DNAH9: variants seen among roughly 807,000 people sequenced by gnomAD.
DNAH9 encodes the protein DNAH9 variant protein.
Under a neutral mutation model 471.6 loss-of-function variants are expected in DNAH9, and 345 were observed. That is an observed-to-expected ratio of 0.73 (90% confidence interval 0.67 to 0.80). DNAH9 has a LOEUF of 0.80. DNAH9 is among the 30% of genes least tolerant of loss of function. DNAH9 has a pLI of 0.00. For synonymous variants in DNAH9, 2,093 were observed against 2,123.6 expected (o/e 0.99, Z 0.40); for missense variants, 5,407 against 5,609.2 (o/e 0.96, Z 1.15).
intron 62 of DNAH9, among the ~76,000 whole-genome samples, chr17:11,926,035 G>GAAAAAAAAAAAAAAAAAAAAAAA (rs71142253): frequency 2.2e-4 from 13 of 59,916 alleles, no homozygotes; most frequent in African/African-American, 6.3e-4. Context: ...GAGATTCTCT[G>GAAAAAAAAAAAAAAAAAAAAAAA]AAAAAAAAAA....
intron 28 of DNAH9, among the ~76,000 whole-genome samples, chr17:11,732,251 G>A (rs1269062263): frequency 6.6e-6 from 1 of 152,102 alleles, no homozygotes; most frequent in African/African-American, 2.4e-5. Flanking sequence ...GTTTAACTGG[G>A]GGGTCCCTGA....
At chr17:11,668,448 C>G (rs189334249) in intron 15 of DNAH9, among the ~76,000 whole-genome samples, 1 of 152,032 alleles carries the variant, frequency 6.6e-6, no homozygotes, top group South Asian at 2.1e-4. Flanking sequence ...GGGCGAATCA[C>G]GAGGTCAGGA....
At chr17:11,912,724 G>T (rs1335692174) in intron 61 of DNAH9, among the ~76,000 whole-genome samples, 1 of 152,012 alleles carries the variant, frequency 6.6e-6, no homozygotes, top group African/African-American at 2.4e-5. Context: ...ACATTTTGTT[G>T]AGAATATTTA....
chr17:11,650,845 T>C (rs904390792), intron 12 of DNAH9, among the ~76,000 whole-genome samples: 2 of 152,200 alleles, frequency 1.3e-5, no homozygotes, highest in Non-Finnish European at 2.9e-5. Context: ...CTCTTCTTTA[T>C]GATGTATAGA....
intron 65 of DNAH9, among the ~76,000 whole-genome samples, chr17:11,934,435 ATT>A (rs547023975): frequency 1.7e-3 from 149 of 85,986 alleles, no homozygotes; most frequent in African/African-American, 6.4e-3. Context: ...TGACAAACCC[ATT>A]TTTTTTTTTT....
In DNAH9 at chr17:11,768,539, C is replaced by CT. The variant is rs752205229; in HGVS notation, c.7258dup (p.Tyr2420LeufsTer23). On this transcript the variant is annotated frameshift_variant, in exon 37 of 69. Coordinates refer to ENST00000262442, the MANE Select transcript of DNAH9 (RefSeq NM_001372.4). LOFTEE classifies it high-confidence loss of function. ...TTCCTTCCCAAGGAACCATCTTTGA[C>CT]TATTACATCGACCCAGAGACCAAGA... The CT allele has an allele frequency of 1.9e-6, 3 of 1,614,068 alleles. No homozygotes were observed. The African/African-American group carries it at 4.0e-5, about 22-fold the overall frequency.
Position 11,611,764 on chromosome 17 carries a change from C to T in DNAH9, c.888C>T (p.Tyr296=), listed in dbSNP as rs778795315. 6.2e-7 allele frequency: 1 copy of T among 1,614,190 alleles called. No individual in the cohort carries two copies. Among genetic ancestry groups the T allele is most frequent in the Non-Finnish European group, 8.5e-7 (1 of 1,179,994 alleles). Residue 296 remains tyrosine, a synonymous_variant, in exon 4 of 69, where the codon TAC becomes TAT. Transcript: ENST00000262442. ...ACTTTCCAGCTTTCAAAGCCATGTA[C>T]AGAGATGTTGTTGCAGGTGAGGACC... The part of the protein sequence containing the change: ...SSYFPAFKAM[Y]RDVVAALAEA...
At chr17:11,899,126 G>T (rs527239928) in intron 59 of DNAH9, among the ~76,000 whole-genome samples, 1 of 151,934 alleles carries the variant, frequency 6.6e-6, no homozygotes, top group African/African-American at 2.4e-5. Flanking sequence ...TTAAGTGTTT[G>T]GTTGGATTTT....
chr17:11,707,749 A>G (rs1597511655), intron 26 of DNAH9, among the ~76,000 whole-genome samples: 1 of 149,540 alleles, frequency 6.7e-6, no homozygotes, highest in African/African-American at 2.5e-5. Flanking sequence ...CTGATGACTC[A>G]CTCCCTACAC....
rs188581234 is a variant in DNAH9 at position 11,742,212 on chromosome 17, T to A, written c.6010T>A (p.Cys2004Ser). Residue 2004 changes from cysteine to serine, a missense_variant, in exon 30 of 69, where the codon TGT becomes AGT. By Grantham distance (112) the Cys-to-Ser change is moderately radical. Transcript: ENST00000262442. ...GGTGGTTCCAGACTTTGAATTGATC[T>A]GTGAAATCATGCTGGTGGCAGAAGG... is the stretch of plus-strand genomic sequence containing the variant. ...AMVVPDFELI[C>S]EIMLVAEGFI... 16 of 1,614,110 alleles carry A rather than the reference T, an allele frequency of 9.9e-6. No homozygotes were observed. The highest frequency in any genetic ancestry group is 1.4e-5 in the Non-Finnish European group (16 of 1,179,956).
chr17:11,935,118 C>CCACA (rs1215637977), intron 65 of DNAH9, among the ~76,000 whole-genome samples: 2 of 151,600 alleles, frequency 1.3e-5, no homozygotes, highest in Non-Finnish European at 2.9e-5. Flanking sequence ...GCCCCCACCA[C>CCACA]CACACCCGGT....
intron 61 of DNAH9, among the ~76,000 whole-genome samples, chr17:11,915,232 T>C (rs1973906529): frequency 6.6e-6 from 1 of 152,122 alleles, no homozygotes; most frequent in African/African-American, 2.4e-5. Context: ...TAAAACTTTC[T>C]AGTGACTTCC....
At chr17:11,685,992 G>C (rs2150747976) in intron 19 of DNAH9, among the ~76,000 whole-genome samples, 1 of 151,944 alleles carries the variant, frequency 6.6e-6, no homozygotes, top group East Asian at 1.9e-4. Context: ...TTTTAGTAGA[G>C]ACAGGGTTTC....
At chr17:11,699,933 T>C (rs371143247) in intron 23 of DNAH9, 50 bp downstream of exon 23, 146 of 1,581,712 alleles carry the variant, frequency 9.2e-5, no homozygotes, top group Non-Finnish European at 1.2e-4. Context: ...CTCAAATGCC[T>C]TCATTCAAAT....
chr17:11,928,591 TAGAC>T (rs1974403959), intron 62 of DNAH9, among the ~76,000 whole-genome samples: 1 of 152,202 alleles, frequency 6.6e-6, no homozygotes, highest in Non-Finnish European at 1.5e-5. Flanking sequence ...TTTTGATAGA[TAGAC>T]AGACAGCAAT....
At chr17:11,791,875 G>A (rs1478948255) in intron 41 of DNAH9, among the ~76,000 whole-genome samples, 1 of 152,140 alleles carries the variant, frequency 6.6e-6, no homozygotes, top group African/African-American at 2.4e-5. Context: ...CTTGAAATAT[G>A]AGTATGGCAA....
chr17:11,893,899 T>C (rs1336041137), intron 58 of DNAH9, among the ~76,000 whole-genome samples: 14 of 152,212 alleles, frequency 9.2e-5, no homozygotes, highest in Non-Finnish European at 1.8e-4. Flanking sequence ...AAACTACTTA[T>C]AGAAAGTTTA....
At position 11,744,918 on chromosome 17, in the gene DNAH9, A is replaced by G. The variant is rs974050145; in HGVS notation, c.6233A>G (p.Asn2078Ser). Residue 2078 changes from asparagine to serine, a missense_variant, in exon 31 of 69, where the codon AAC becomes AGC. By Grantham distance (46) the Asn-to-Ser change is conservative. This residue lies in a region of DNAH9 where 4,636 missense variants were observed against 4,900.3 expected (regional missense o/e 0.95). Coordinates refer to ENST00000262442, the MANE Select transcript of DNAH9 (RefSeq NM_001372.4). ...CTGATGCGCTCCTTGCGGGATTTCA[A>G]CATCCCCAAGATTGTGACTGATGAC... ...QVLMRSLRDF[N>S]IPKIVTDDMP... 5.0e-6 allele frequency: 8 copies of G among 1,614,158 alleles called. No individual in the cohort carries two copies. The highest frequency in any genetic ancestry group is 6.8e-6 in the Non-Finnish European group (8 of 1,180,038).
In DNAH9 at chr17:11,863,072, T is replaced by C. The variant is rs1183218853; in HGVS notation, c.9934-6062T>C. Reference sequence around the variant, plus strand: ...CCAACACTATGTTGAATAGGAGTGGTGAGAGAGGGCGTTCCTGTCTTGTGC... The same window carrying C: ...CCAACACTATGTTGAATAGGAGTGGCGAGAGAGGGCGTTCCTGTCTTGTGC... On this transcript the variant is annotated intron_variant, in intron 50 of 68. Transcript: ENST00000262442. 5.9e-5 allele frequency among the ~76,000 whole-genome samples: 9 copies of C among 152,314 alleles called. No individual in the cohort carries two copies. In the South Asian group the frequency reaches 1.2e-3, roughly 21 times the overall value.
Sources: gnomAD v4.1 joint callset for allele counts (sites outside exome capture counted in the v4.1 genomes callset) on GRCh38, gnomAD v4.1.1 for gene constraint, gnomAD v4.1.1 regional missense constraint, MANE v1.5 for transcripts, NCBI Gene and HGNC (gene_info 2026-07-23, HGNC 2026-07-21) for gene names.